The following HS3ST5 variants were observed in gnomAD, a reference collection of about 807,000 sequenced individuals.
HS3ST5 encodes the protein heparan sulfate glucosamine 3-O-sulfotransferase 5.
In HS3ST5, 10 loss-of-function variants were observed where a neutral mutation model predicts 25.4. The observed-to-expected ratio is 0.39, with a 90% confidence interval of 0.24 to 0.67. The LOEUF is 0.67. HS3ST5 is among the 30% of genes least tolerant of loss of function. HS3ST5 has a pLI of 0.44. For missense variants in HS3ST5, 324 were observed against 420.7 expected (o/e 0.77, Z 2.01); for synonymous variants, 170 against 162.4 (o/e 1.05, Z -0.36).
At chr6:114,216,227 A>G (rs1781754099) in intron 2 of HS3ST5, among the ~76,000 whole-genome samples, 1 of 152,236 alleles carries the variant, frequency 6.6e-6, no homozygotes, top group Non-Finnish European at 1.5e-5. Context: ...AGCTGAATGC[A>G]CTGGCTAGAC....
In HS3ST5 at chr6:114,153,390, C is replaced by T. The variant is rs548971222; in HGVS notation, c.-33+14961G>A. The stretch of plus-strand genomic sequence containing the variant: ...GTTCTATTGGGATTTCGTTATATTT[C>T]CTAATTTTATAAGTGGCCTGTTTCT... On this transcript the variant is annotated intron_variant, in intron 3 of 4. Coordinates refer to ENST00000312719, the MANE Select transcript of HS3ST5 (RefSeq NM_153612.4). Among the ~76,000 whole-genome samples the T allele has an allele frequency of 2.0e-5, 3 of 152,272 alleles. No individual in the cohort carries two copies. In the South Asian group the frequency reaches 6.2e-4, roughly 32 times the overall value.
At chr6:114,186,043 G>C (rs892146506) in intron 2 of HS3ST5, among the ~76,000 whole-genome samples, 1 of 151,880 alleles carries the variant, frequency 6.6e-6, no homozygotes, top group Non-Finnish European at 1.5e-5. Context: ...TAAATGTTGG[G>C]TATTCTGACT....
intron 2 of HS3ST5, among the ~76,000 whole-genome samples, chr6:114,171,249 A>C (rs1308264739): frequency 6.6e-6 from 1 of 152,230 alleles, no homozygotes; most frequent in Non-Finnish European, 1.5e-5. Flanking sequence ...AGTGTGTAAC[A>C]ATCAGTGTGA....
At chr6:114,154,511 T>A (rs1778605976) in intron 3 of HS3ST5, among the ~76,000 whole-genome samples, 1 of 152,026 alleles carries the variant, frequency 6.6e-6, no homozygotes, top group African/African-American at 2.4e-5. Flanking sequence ...TGAAATCAGT[T>A]TAAAAAAAAG....
intron 3 of HS3ST5, chr6:114,084,558 C>CT: frequency 1.3e-6 from 1 of 761,900 alleles, no homozygotes; most frequent in Non-Finnish European, 2.4e-6. Flanking sequence ...AGTGAGCTCC[C>CT]TCGTTGTTGC....
In HS3ST5 at chr6:114,264,258, A is replaced by G. The variant is rs115638321; in HGVS notation, c.-338-35480T>C. On this transcript the variant is annotated intron_variant, in intron 1 of 4. Coordinates refer to ENST00000312719, the MANE Select transcript of HS3ST5 (RefSeq NM_153612.4). The stretch of plus-strand genomic sequence containing the variant: ...AGATTGCCTCTAGACCTTTGTTCTT[A>G]TAAGCTCAATGATGAAAAACATGTC... Among the ~76,000 whole-genome samples, 579 of 152,312 alleles carry G rather than the reference A, an allele frequency of 3.8e-3. 5 individuals are homozygous for G. The highest frequency in any genetic ancestry group is 0.013 in the African/African-American group (522 of 41,584).
rs1328111470 is a variant in HS3ST5 at position 114,170,166 on chromosome 6, CATTT to C, written c.-144-1708_-144-1705del. Among the ~76,000 whole-genome samples, 6 of 152,102 alleles carry C rather than the reference CATTT, an allele frequency of 3.9e-5. No individual in the cohort carries two copies. In the East Asian group the frequency reaches 1.2e-3, roughly 29 times the overall value. ...GTTATTTATTCACTTACTTTACAAA[CATTT>C]ATTAAGTGTCAGAGTTTATGCTAAA... is the stretch of plus-strand genomic sequence containing the variant. On this transcript the variant is annotated intron_variant, in intron 2 of 4. Transcript: ENST00000312719.
At chr6:114,167,724 A>G (rs1779282686) in intron 3 of HS3ST5, 1 of 152,212 alleles carries the variant, frequency 6.6e-6, no homozygotes, top group South Asian at 2.1e-4. Flanking sequence ...CCAGAAAGAA[A>G]CAGTTGTTAT....
intron 1 of HS3ST5, among the ~76,000 whole-genome samples, chr6:114,314,142 G>A (rs750148672): frequency 6.6e-6 from 1 of 152,132 alleles, no homozygotes; most frequent in Non-Finnish European, 1.5e-5. Flanking sequence ...TGGCCAGGCT[G>A]GTCTTGAACT....
intron 1 of HS3ST5, chr6:114,251,953 G>A (rs1772683102): frequency 1.3e-5 from 2 of 152,164 alleles, no homozygotes; most frequent in Non-Finnish European, 2.9e-5. Context: ...GTTATAACAG[G>A]AAAGCACTGT....
At chr6:114,306,865 C>T (rs934909452) in intron 1 of HS3ST5, among the ~76,000 whole-genome samples, 3 of 152,150 alleles carry the variant, frequency 2.0e-5, no homozygotes, top group Non-Finnish European at 4.4e-5. Context: ...ATATTTATTT[C>T]CTTCTTAAGA....
intron 3 of HS3ST5, chr6:114,084,554 C>A: frequency 2.6e-6 from 2 of 760,956 alleles, no homozygotes; most frequent in Non-Finnish European, 4.8e-6. Context: ...GCTGAGTGAG[C>A]TCCCTCGTTG....
intron 1 of HS3ST5, among the ~76,000 whole-genome samples, chr6:114,278,500 A>G (rs556902428): frequency 8.6e-5 from 13 of 152,012 alleles, no homozygotes; most frequent in Non-Finnish European, 1.8e-4. Context: ...GAGAAATGTG[A>G]GGTCTTTTCA....
chr6:114,098,740 AGAAT>A (rs2114814892), intron 3 of HS3ST5, among the ~76,000 whole-genome samples: 1 of 152,086 alleles, frequency 6.6e-6, no homozygotes, highest in African/African-American at 2.4e-5. Context: ...CATTCATCTT[AGAAT>A]AAATAACTGT....
chr6:114,188,127 C>T (rs544699213), intron 2 of HS3ST5, among the ~76,000 whole-genome samples: 105 of 152,072 alleles, frequency 6.9e-4, no homozygotes, highest in South Asian at 1.5e-3. Context: ...CTCCGAGGTA[C>T]GCCTGTACTT....
At chr6:114,081,429 A>T (rs1390304515) in intron 3 of HS3ST5, among the ~76,000 whole-genome samples, 1 of 152,226 alleles carries the variant, frequency 6.6e-6, no homozygotes, top group East Asian at 1.9e-4. Context: ...CACAAATTTT[A>T]AAAGAGAGCT....
chr6:114,200,241 A>T (rs1438653354), intron 2 of HS3ST5, among the ~76,000 whole-genome samples: 1 of 152,202 alleles, frequency 6.6e-6, no homozygotes, highest in African/African-American at 2.4e-5. Context: ...AAACAAAAAC[A>T]AAATGAGGTT....
Position 114,288,057 on chromosome 6 carries a change from G to A in HS3ST5, c.-339+54138C>T, listed in dbSNP as rs73542380. ...GTAAAGAAATGAGTTTTATTCCTGT[G>A]TAGCTTAAGAAAGTCAGGAATTACT... On this transcript the variant is annotated intron_variant, in intron 1 of 4. Transcript: ENST00000312719. Among the ~76,000 whole-genome samples the A allele has an allele frequency of 5.1e-3, 783 of 152,124 alleles. 5 individuals carry two copies. The highest frequency in any genetic ancestry group is 0.018 in the African/African-American group (748 of 41,530).
At chr6:114,164,691 A>G (rs972498809) in intron 3 of HS3ST5, among the ~76,000 whole-genome samples, 32 of 152,236 alleles carry the variant, frequency 2.1e-4, no homozygotes, top group African/African-American at 6.0e-4. Context: ...TAATTCTGAA[A>G]TAAACGTATA....
Sources: gnomAD v4.1 joint callset for allele counts (sites outside exome capture counted in the v4.1 genomes callset) on GRCh38, gnomAD v4.1.1 for gene constraint, MANE v1.5 for transcripts, NCBI Gene and HGNC (gene_info 2026-07-23, HGNC 2026-07-21) for gene names.